Variants in ANK2 observed in about 807,000 individuals in gnomAD.
ANK2 encodes the protein ankyrin 2.
In ANK2, 83 loss-of-function variants were observed where a neutral mutation model predicts 360.5. The observed-to-expected ratio is 0.23, with a 90% CI of 0.19 to 0.28. ANK2 has a LOEUF of 0.28. ANK2 is among the 10% of genes least tolerant of loss of function. ANK2 has a pLI of 1.00. For synonymous variants in ANK2, 1,740 were observed against 1,759.5 expected, an observed-to-expected ratio of 0.99 and a Z score of 0.28; for missense variants, 4,201 against 4,795.7, an observed-to-expected ratio of 0.88 and a Z score of 3.66.
intron 1 of ANK2, among the ~76,000 whole-genome samples, chr4:113,092,696 G>T (rs1476501110): frequency 1.3e-5 from 2 of 151,962 alleles, no homozygotes; most frequent in Non-Finnish European, 2.9e-5. Flanking sequence ...TATAAAATAG[G>T]GATATTAATA....
intron 1 of ANK2, among the ~76,000 whole-genome samples, chr4:112,823,788 C>T (rs1433317628): frequency 6.6e-6 from 1 of 152,228 alleles, no homozygotes; most frequent in African/African-American, 2.4e-5. Flanking sequence ...ACACACTGGG[C>T]TCTCAGCCCA....
At position 113,356,282 on chromosome 4, in the gene ANK2, C is replaced by T; in HGVS notation, c.7664C>T (p.Thr2555Ile). 2 of 1,614,128 alleles carry T rather than the reference C, an allele frequency of 1.2e-6. No individual in the cohort carries two copies. Among genetic ancestry groups the T allele is most frequent in the Non-Finnish European group, 1.7e-6 (2 of 1,179,996 alleles). Residue 2555 changes from threonine to isoleucine, a missense_variant, in exon 38 of 46, where the codon ACA becomes ATA. Thr to Ile is a moderately conservative substitution (Grantham distance 89). Around this residue, in one of 4 missense-constraint regions of ANK2, gnomAD observed 2,642 missense variants for 2,714.5 expected, o/e 0.97. Transcript: ENST00000357077. ...EVSYEVTPKT[T>I]DVSTPKPAVI... is the part of the protein sequence containing the mutation. ...AGCTATGAGGTTACACCCAAAACCA[C>T]AGATGTAAGTACACCAAAACCAGCT...
At chr4:112,792,279 T>C in the ANK2 span, among the ~76,000 whole-genome samples, 2 of 151,566 alleles carry the variant, frequency 1.3e-5, no homozygotes, top group South Asian at 4.2e-4. Flanking sequence ...GACCTCAGGC[T>C]ATCCGCCCAC....
At chr4:112,859,707 A>AGG (rs2150079556) in intron 1 of ANK2, among the ~76,000 whole-genome samples, 1 of 152,310 alleles carries the variant, frequency 6.6e-6, no homozygotes, top group Non-Finnish European at 1.5e-5. Context: ...CTGCCTTGTC[A>AGG]CTTAGCTGTG....
rs535013336 is a variant in ANK2 at position 113,295,152 on chromosome 4, C to T, written c.2475+1614C>T. Among the ~76,000 whole-genome samples the T allele has an allele frequency of 5.9e-5, 9 of 152,254 alleles. 1 individual carries two copies. The South Asian group carries it at 1.7e-3, about 28-fold the overall frequency. Reference sequence around the variant, plus strand: ...ACTTTGCTTCCATTCATTTCATTAACTGATTTATTCCTTCATTATTTATTG... The same window carrying T: ...ACTTTGCTTCCATTCATTTCATTAATTGATTTATTCCTTCATTATTTATTG... On this transcript the variant is annotated intron_variant, in intron 22 of 45. Transcript: ENST00000357077.
At chr4:113,161,386 T>TAGTGGTATGTACTATACATATA (rs2097529937) in intron 1 of ANK2, among the ~76,000 whole-genome samples, 1 of 152,234 alleles carries the variant, frequency 6.6e-6, no homozygotes, top group Non-Finnish European at 1.5e-5. Flanking sequence ...TTCTACTCCA[T>TAGTGGTATGTACTATACATATA]GTGGTATGTA....
chr4:112,833,429 C>A (rs983826284), intron 1 of ANK2, among the ~76,000 whole-genome samples: 2 of 152,000 alleles, frequency 1.3e-5, no homozygotes, highest in Non-Finnish European at 2.9e-5. Context: ...CTCATTTACA[C>A]TTAATGATTA....
chr4:113,356,986 T>C lies in ANK2; in HGVS notation c.8368T>C (p.Ser2790Pro). 6.2e-7 allele frequency: 1 copy of C among 1,614,094 alleles called. No homozygotes were observed. Among genetic ancestry groups the C allele is most frequent in the Non-Finnish European group, 8.5e-7 (1 of 1,179,994 alleles). The change falls in exon 38 of 46, where the codon TCT becomes CCT. Residue 2790 changes from serine (S) to proline (P), a missense_variant. Around this residue, in one of 4 missense-constraint regions of ANK2, gnomAD observed 2,642 missense variants for 2,714.5 expected, o/e 0.97. Transcript: ENST00000357077. ...TCCTAGCAGCTCAGCTGCTCCTGTC[T>C]CTTCAGGTCTACAGAGTCCGACTGG... ...MSPSSSAAPV[S>P]SGLQSPTGDD...
At chr4:113,055,305 G>C (rs919450713) in intron 1 of ANK2, among the ~76,000 whole-genome samples, 1 of 152,026 alleles carries the variant, frequency 6.6e-6, no homozygotes. Flanking sequence ...GGACTGCTGG[G>C]GACACCCAAC....
intron 23 of ANK2, among the ~76,000 whole-genome samples, chr4:113,306,469 G>A (rs1006802126): frequency 6.6e-6 from 1 of 152,130 alleles, no homozygotes; most frequent in African/African-American, 2.4e-5. Flanking sequence ...AGGGAAACAC[G>A]ATACCTTAAA....
chr4:113,338,543 C>CTTTTTTTTTTTT (rs71582166), intron 31 of ANK2, among the ~76,000 whole-genome samples: 2 of 96,118 alleles, frequency 2.1e-5, no homozygotes, highest in African/African-American at 4.8e-5. Context: ...AGATTGTTCA[C>CTTTTTTTTTTTT]TTTTTTTTTT....
chr4:112,832,878 T>C (rs1364575840), intron 1 of ANK2, among the ~76,000 whole-genome samples: 1 of 152,256 alleles, frequency 6.6e-6, no homozygotes, highest in Non-Finnish European at 1.5e-5. Flanking sequence ...GACAACTGTA[T>C]ACTTGTGTTT....
intron 17 of ANK2, among the ~76,000 whole-genome samples, chr4:113,281,537 T>G (rs2062356422): frequency 6.6e-6 from 1 of 152,078 alleles, no homozygotes; most frequent in Non-Finnish European, 1.5e-5. Context: ...ATACCTTGTC[T>G]CAACAAATAA....
intron 23 of ANK2, among the ~76,000 whole-genome samples, chr4:113,304,782 A>G (rs1353774524): frequency 6.6e-6 from 1 of 152,190 alleles, no homozygotes; most frequent in Non-Finnish European, 1.5e-5. Flanking sequence ...AAATAAAGTA[A>G]CATTTAAAAA....
At chr4:113,261,973 A>C (rs2153647307) in intron 13 of ANK2, among the ~76,000 whole-genome samples, 1 of 152,256 alleles carries the variant, frequency 6.6e-6, no homozygotes, top group South Asian at 2.1e-4. Flanking sequence ...GAATCACTTG[A>C]ACCAAAGAGG....
chr4:112,919,772 T>C (rs2151149873), intron 2 of ANK2, among the ~76,000 whole-genome samples: 1 of 152,286 alleles, frequency 6.6e-6, no homozygotes, highest in Admixed American at 6.5e-5. Context: ...AATGTTCCAG[T>C]TGAGAAATAC....
At chr4:112,891,139 G>T (rs1032289505) in intron 1 of ANK2, among the ~76,000 whole-genome samples, 2 of 152,130 alleles carry the variant, frequency 1.3e-5, no homozygotes, top group Admixed American at 6.5e-5. Context: ...TAATAGATGA[G>T]ATTGAGACTC....
chr4:112,831,541 G>A (rs1409844307), intron 1 of ANK2, among the ~76,000 whole-genome samples: 1 of 151,582 alleles, frequency 6.6e-6, no homozygotes, highest in African/African-American at 2.4e-5. Context: ...TCAGCACCCT[G>A]TCAAAACGGA....
At chr4:113,249,290 CAT>C (rs1386188066) in intron 9 of ANK2, among the ~76,000 whole-genome samples, 42 of 152,244 alleles carry the variant, frequency 2.8e-4, no homozygotes, top group African/African-American at 1.0e-3. Flanking sequence ...CAAAAGAGAA[CAT>C]ATGTGAAAAA....
Sources: gnomAD v4.1 joint callset for allele counts (sites outside exome capture counted in the v4.1 genomes callset) on GRCh38, gnomAD v4.1.1 for gene constraint, gnomAD v4.1.1 regional missense constraint, MANE v1.5 for transcripts, NCBI Gene and HGNC (gene_info 2026-07-23, HGNC 2026-07-21) for gene names.